Variants in ADGRL2 observed in about 807,000 individuals in gnomAD.
ADGRL2 encodes the protein calcium-independent alpha-latrotoxin receptor 2.
In ADGRL2, 44 loss-of-function variants were observed where a neutral mutation model predicts 157.4. The ratio of observed to expected loss-of-function variants is 0.28; its 90% CI spans 0.22 to 0.36. The LOEUF is 0.36. ADGRL2 is among the 10% of genes least tolerant of loss of function. ADGRL2 has a pLI of 1.00. For missense variants in ADGRL2, 1,510 were observed against 1,768.9 expected (o/e 0.85, Z 2.63); for synonymous variants, 585 against 624.7 (o/e 0.94, Z 0.95).
At chr1:81,825,502 C>T (rs865837502) in intron 1 of ADGRL2, among the ~76,000 whole-genome samples, 7 of 151,898 alleles carry the variant, frequency 4.6e-5, no homozygotes, top group Middle Eastern at 6.8e-3. Flanking sequence ...GCATACGCCA[C>T]CATGCCTAAT....
chr1:81,397,005 G>T (rs1305126293), intron 1 of ADGRL2, among the ~76,000 whole-genome samples: 3 of 152,100 alleles, frequency 2.0e-5, no homozygotes, highest in African/African-American at 7.2e-5. Context: ...GATTTTGAAA[G>T]AATTCTTTCC....
At chr1:81,890,674 C>T (rs898545008) in intron 2 of ADGRL2, among the ~76,000 whole-genome samples, 2 of 152,034 alleles carry the variant, frequency 1.3e-5, no homozygotes, top group Non-Finnish European at 2.9e-5. Flanking sequence ...ACACATCACG[C>T]AGGGGAAATG....
chr1:81,656,909 CT>C (rs2082545878), intron 3 of ADGRL2, among the ~76,000 whole-genome samples: 1 of 150,024 alleles, frequency 6.7e-6, no homozygotes, highest in African/African-American at 2.5e-5. Context: ...ACTCAGGAGG[CT>C]GAGGTGGGAG....
chr1:81,629,837 T>G (rs2081979307), intron 3 of ADGRL2, among the ~76,000 whole-genome samples: 1 of 152,054 alleles, frequency 6.6e-6, no homozygotes, highest in African/African-American at 2.4e-5. Flanking sequence ...GTGATCCTCC[T>G]ACCTCAGCTT....
chr1:81,431,047 A>G (rs948619076), intron 1 of ADGRL2, among the ~76,000 whole-genome samples: 4 of 152,222 alleles, frequency 2.6e-5, no homozygotes, highest in Non-Finnish European at 1.5e-5. Flanking sequence ...ACAGCATGTC[A>G]GCAGAACAGG....
At chr1:81,804,470 C>T (rs1203000342) in intron 1 of ADGRL2, among the ~76,000 whole-genome samples, 1 of 152,198 alleles carries the variant, frequency 6.6e-6, no homozygotes, top group East Asian at 1.9e-4. Context: ...AAACTTCAGC[C>T]TGTCTTCCTT....
chr1:81,634,649 G>C lies in ADGRL2; in HGVS notation c.-143+53669G>C, dbSNP rs2093888. On this transcript the variant is annotated intron_variant, in intron 3 of 24. Coordinates refer to the ADGRL2 transcript ENST00000370721. ...TCCTGGGTTCCAGTCCCAGCCTCCCGAGTAGCTGGGATTATAGGCACACGC... is the reference window on the plus strand; with the variant it reads ...TCCTGGGTTCCAGTCCCAGCCTCCCCAGTAGCTGGGATTATAGGCACACGC... 4.9e-3 allele frequency among the ~76,000 whole-genome samples: 743 copies of C among 151,598 alleles called. 6 individuals are homozygous for C. Among genetic ancestry groups the C allele is most frequent in the African/African-American group, 0.017 (714 of 41,328 alleles).
intron 5 of ADGRL2, chr1:81,942,693 A>G (rs546709806): frequency 2.2e-6 from 1 of 451,988 alleles, no homozygotes; most frequent in African/African-American, 2.0e-5. Flanking sequence ...AGATGAAAAC[A>G]TAGCAAAAAT....
At chr1:81,715,413 C>T (rs2084080187) in intron 1 of ADGRL2, among the ~76,000 whole-genome samples, 3 of 152,062 alleles carry the variant, frequency 2.0e-5, no homozygotes, top group African/African-American at 7.2e-5. Flanking sequence ...AGCACCAGCT[C>T]AAATAGTATA....
chr1:81,504,110 G>T (rs1437435380), intron 2 of ADGRL2, among the ~76,000 whole-genome samples: 8 of 152,196 alleles, frequency 5.3e-5, no homozygotes, highest in Non-Finnish European at 1.0e-4. Context: ...CAGGGCCAGG[G>T]CCCACAGGGC....
intron 2 of ADGRL2, among the ~76,000 whole-genome samples, chr1:81,839,075 A>G (rs1262753349): frequency 6.6e-6 from 1 of 152,082 alleles, no homozygotes; most frequent in Non-Finnish European, 1.5e-5. Context: ...GTGAACATCT[A>G]TAGAGAAAGC....
At chr1:81,649,386 C>T (rs1207170177) in intron 3 of ADGRL2, among the ~76,000 whole-genome samples, 1 of 152,188 alleles carries the variant, frequency 6.6e-6, no homozygotes, top group African/African-American at 2.4e-5. Flanking sequence ...TCCCCAAGGA[C>T]TTACATTTTA....
At chr1:81,338,568 G>T (rs1052361242) in intron 1 of ADGRL2, among the ~76,000 whole-genome samples, 3 of 152,092 alleles carry the variant, frequency 2.0e-5, no homozygotes, top group African/African-American at 7.2e-5. Flanking sequence ...AGAAAATACG[G>T]ATCCAAGAAG....
chr1:81,331,720 T>C (rs980927441), intron 1 of ADGRL2, among the ~76,000 whole-genome samples: 1 of 152,148 alleles, frequency 6.6e-6, no homozygotes, highest in Non-Finnish European at 1.5e-5. Flanking sequence ...ATGTTAGCAG[T>C]GCCATTTTAC....
chr1:81,536,199 T>C (rs1393431267), intron 2 of ADGRL2, among the ~76,000 whole-genome samples: 2 of 152,240 alleles, frequency 1.3e-5, no homozygotes, highest in Non-Finnish European at 1.5e-5. Flanking sequence ...CTGAATAATA[T>C]GTGCAGTATA....
intron 3 of ADGRL2, among the ~76,000 whole-genome samples, chr1:81,597,732 C>T (rs545262096): frequency 1.1e-4 from 17 of 152,260 alleles, no homozygotes; most frequent in African/African-American, 3.8e-4. Context: ...GTCAGAAATG[C>T]ATTTCATACC....
At chr1:81,653,024 T>G (rs2082453236) in intron 3 of ADGRL2, among the ~76,000 whole-genome samples, 1 of 152,208 alleles carries the variant, frequency 6.6e-6, no homozygotes, top group Admixed American at 6.6e-5. Context: ...TGCATTCCCC[T>G]GGTGTTATCT....
At chr1:81,766,830 C>CAAAAAAAAA (rs71592740) in intron 2 of ADGRL2, among the ~76,000 whole-genome samples, 1 of 81,098 alleles carries the variant, frequency 1.2e-5, no homozygotes, top group Non-Finnish European at 2.4e-5. Context: ...AACTCCGTCT[C>CAAAAAAAAA]AAAAAAAAAA....
intron 2 of ADGRL2, among the ~76,000 whole-genome samples, chr1:81,855,339 G>A (rs1035852876): frequency 6.6e-6 from 1 of 151,944 alleles, no homozygotes; most frequent in Non-Finnish European, 1.5e-5. Flanking sequence ...TACTTAGGAG[G>A]CTAAGGTGGG....
Sources: gnomAD v4.1 joint callset for allele counts (sites outside exome capture counted in the v4.1 genomes callset) on GRCh38, gnomAD v4.1.1 for gene constraint, MANE v1.5 for transcripts, NCBI Gene and HGNC (gene_info 2026-07-23, HGNC 2026-07-21) for gene names.